SPIDR: variants seen among roughly 807,000 people sequenced by gnomAD.
The protein encoded by SPIDR is DNA repair-scaffolding protein.
In SPIDR, 93 loss-of-function variants were observed where a neutral mutation model predicts 104.6. That is an observed-to-expected ratio of 0.89 (90% CI 0.75 to 1.06). The LOEUF (loss-of-function observed/expected upper bound fraction) is 1.06, where lower values mean the gene tolerates loss of function less well. Among genes scored for constraint, SPIDR ranks in the 50% least tolerant of loss-of-function variants. The pLI, the probability that SPIDR is intolerant of heterozygous loss-of-function variation, is 0.00. For missense variants in SPIDR, 1,154 were observed against 1,111.2 expected, an observed-to-expected ratio of 1.04 and a Z score of -0.55; for synonymous variants, 431 against 416.9, an observed-to-expected ratio of 1.03 and a Z score of -0.41.
At chr8:47,544,424 C>T (rs530783203) in intron 8 of SPIDR, among the ~76,000 whole-genome samples, 1 of 152,118 alleles carries the variant, frequency 6.6e-6, no homozygotes, top group Non-Finnish European at 1.5e-5. Flanking sequence ...TTTGATGTCA[C>T]GTCTAAGAAC....
intron 8 of SPIDR, among the ~76,000 whole-genome samples, chr8:47,507,966 G>A (rs944660912): frequency 6.6e-6 from 1 of 152,172 alleles, no homozygotes; most frequent in Non-Finnish European, 1.5e-5. Context: ...CCCATATGGA[G>A]GGCTTTTTCT....
At chr8:47,720,654 T>C (rs950782797) in intron 16 of SPIDR, among the ~76,000 whole-genome samples, 1 of 152,240 alleles carries the variant, frequency 6.6e-6, no homozygotes, top group East Asian at 1.9e-4. Context: ...CATTTTTTAA[T>C]TGGGTTGTTC....
At chr8:47,466,740 C>T (rs572292162) in intron 8 of SPIDR, among the ~76,000 whole-genome samples, 19 of 151,210 alleles carry the variant, frequency 1.3e-4, no homozygotes, top group African/African-American at 4.4e-4. Context: ...ATTTAACAAC[C>T]TGGCATCACA....
At chr8:47,616,786 A>G (rs1406910422) in intron 10 of SPIDR, among the ~76,000 whole-genome samples, 1 of 152,220 alleles carries the variant, frequency 6.6e-6, no homozygotes, top group Non-Finnish European at 1.5e-5. Context: ...TATGACACAT[A>G]CATAACAATT....
intron 8 of SPIDR, among the ~76,000 whole-genome samples, chr8:47,550,071 G>C (rs563693910): frequency 6.6e-6 from 1 of 152,256 alleles, no homozygotes; most frequent in East Asian, 1.9e-4. Flanking sequence ...AGATCAGGTG[G>C]TTGTAGATGT....
intron 5 of SPIDR, among the ~76,000 whole-genome samples, chr8:47,345,686 G>T (rs1190073176): frequency 6.6e-6 from 1 of 152,162 alleles, no homozygotes; most frequent in East Asian, 1.9e-4. Flanking sequence ...CAAATCCCTT[G>T]TAAGTTGGAT....
intron 7 of SPIDR, among the ~76,000 whole-genome samples, chr8:47,435,801 T>C (rs1389067351): frequency 6.6e-6 from 1 of 152,234 alleles, no homozygotes; most frequent in African/African-American, 2.4e-5. Context: ...CTTAGCATAA[T>C]GAAGTAGGGG....
At chr8:47,546,354 A>T (rs1375224538) in intron 8 of SPIDR, among the ~76,000 whole-genome samples, 2 of 152,066 alleles carry the variant, frequency 1.3e-5, no homozygotes, top group African/African-American at 2.4e-5. Context: ...TTTTTCAAGG[A>T]ACTGGTTTAT....
At chr8:47,463,171 A>T (rs2074221192) in intron 8 of SPIDR, among the ~76,000 whole-genome samples, 1 of 152,092 alleles carries the variant, frequency 6.6e-6, no homozygotes, top group African/African-American at 2.4e-5. Flanking sequence ...ATCCTGGCTA[A>T]CATGGTGAAA....
At chr8:47,378,449 C>T (rs947094743) in intron 5 of SPIDR, among the ~76,000 whole-genome samples, 2 of 152,072 alleles carry the variant, frequency 1.3e-5, no homozygotes, top group Admixed American at 6.6e-5. Flanking sequence ...ATTCATTTTG[C>T]CTTTCTTTGT....
intron 5 of SPIDR, among the ~76,000 whole-genome samples, chr8:47,360,196 C>G (rs1031143884): frequency 6.7e-5 from 9 of 134,572 alleles, no homozygotes; most frequent in Admixed American, 8.4e-5. Context: ...GAGCGGAGAT[C>G]GCGCCACTGT....
intron 1 of SPIDR, among the ~76,000 whole-genome samples, chr8:47,271,253 C>T (rs982520077): frequency 1.6e-4 from 24 of 152,164 alleles, no homozygotes; most frequent in African/African-American, 5.8e-4. Context: ...TTGTATGTTT[C>T]ATTAAATTGA....
chr8:47,415,425 A>G (rs1554674636), intron 7 of SPIDR, among the ~76,000 whole-genome samples: 1 of 152,046 alleles, frequency 6.6e-6, no homozygotes, highest in Non-Finnish European at 1.5e-5. Flanking sequence ...TTCTGTGTGT[A>G]TTTTTTGTTT....
At chr8:47,415,051 C>T (rs2154329556) in intron 7 of SPIDR, among the ~76,000 whole-genome samples, 1 of 152,090 alleles carries the variant, frequency 6.6e-6, no homozygotes, top group African/African-American at 2.4e-5. Context: ...CTACAGGCAC[C>T]CGCCACCACG....
At chr8:47,454,498 C>T (rs993478885) in intron 8 of SPIDR, among the ~76,000 whole-genome samples, 6 of 150,702 alleles carry the variant, frequency 4.0e-5, no homozygotes, top group Admixed American at 6.6e-5. Flanking sequence ...GGTGGGGAAG[C>T]GGGGAAGGGA....
chr8:47,378,683 C>T (rs184976382), intron 5 of SPIDR, among the ~76,000 whole-genome samples: 1 of 152,238 alleles, frequency 6.6e-6, no homozygotes, highest in Non-Finnish European at 1.5e-5. Flanking sequence ...CTTCTTTCAC[C>T]CCAAAGTAAT....
intron 11 of SPIDR, among the ~76,000 whole-genome samples, chr8:47,685,352 G>A (rs1409451270): frequency 6.6e-6 from 1 of 151,986 alleles, no homozygotes; most frequent in Non-Finnish European, 1.5e-5. Context: ...TTCAGTAAAT[G>A]GGCAGGGTTT....
intron 7 of SPIDR, among the ~76,000 whole-genome samples, chr8:47,433,115 A>G (rs935116296): frequency 2.0e-5 from 3 of 152,166 alleles, no homozygotes; most frequent in Admixed American, 6.5e-5. Context: ...GGCCAAACCC[A>G]CTGGAGTCAT....
intron 8 of SPIDR, among the ~76,000 whole-genome samples, chr8:47,521,557 G>T (rs2084093783): frequency 6.6e-6 from 1 of 151,192 alleles, no homozygotes; most frequent in Non-Finnish European, 1.5e-5. Flanking sequence ...CGGAGTAGCT[G>T]GGATTACAGG....
Sources: allele counts gnomAD v4.1 joint callset (sites outside exome capture counted in the v4.1 genomes callset), GRCh38; gene constraint gnomAD v4.1.1; transcripts MANE v1.5; gene names NCBI Gene and HGNC (gene_info 2026-07-23, HGNC 2026-07-21).